Variants in PIK3AP1 observed in about 807,000 individuals in gnomAD.
PIK3AP1 encodes phosphoinositide-3-kinase adaptor protein 1, also known as phosphoinositide 3-kinase adapter protein 1.
PIK3AP1 carries 21 observed loss-of-function variants against 88.1 expected under a neutral mutation model. That is an observed-to-expected ratio of 0.24 (90% confidence interval 0.17 to 0.34). The LOEUF (loss-of-function observed/expected upper bound fraction) is 0.34. PIK3AP1 is among the 10% of genes least tolerant of loss of function. The probability of loss-of-function intolerance (pLI) is 1.00; values close to 1 mark genes in which losing one functional copy is unlikely to be tolerated. For missense variants in PIK3AP1, 828 were observed against 1,035.7 expected (o/e 0.80, Z 2.75); for synonymous variants, 398 against 400.0 (o/e 1.00, Z 0.06).
intron 8 of PIK3AP1, among the ~76,000 whole-genome samples, chr10:96,629,217 G>C (rs535245666): frequency 6.6e-6 from 1 of 151,964 alleles, no homozygotes; most frequent in Admixed American, 6.6e-5. Context: ...GTATGATATT[G>C]TTTATATAAG....
chr10:96,691,864 C>T (rs1377605708), intron 2 of PIK3AP1, among the ~76,000 whole-genome samples: 3 of 152,160 alleles, frequency 2.0e-5, no homozygotes, highest in Admixed American at 1.3e-4. Context: ...CAAAAAAATG[C>T]TCATTTATGA....
At chr10:96,670,173 A>G (rs1412338663) in intron 2 of PIK3AP1, among the ~76,000 whole-genome samples, 36 of 141,740 alleles carry the variant, frequency 2.5e-4, no homozygotes, top group Admixed American at 9.5e-4. Context: ...AAAAAAAAAA[A>G]AGAGAGAGAG....
At chr10:96,660,233 C>T (rs963610638) in intron 2 of PIK3AP1, among the ~76,000 whole-genome samples, 4 of 151,770 alleles carry the variant, frequency 2.6e-5, no homozygotes, top group Admixed American at 2.0e-4. Flanking sequence ...ATACTTGTAC[C>T]CAAAATATAC....
At chr10:96,611,895 C>A (rs1849116025) in intron 13 of PIK3AP1, among the ~76,000 whole-genome samples, 1 of 152,042 alleles carries the variant, frequency 6.6e-6, no homozygotes, top group Non-Finnish European at 1.5e-5. Flanking sequence ...GTCAAAAGTT[C>A]AAAAAATCAG....
At chr10:96,638,953 TGAA>T (rs75791683) in intron 8 of PIK3AP1, among the ~76,000 whole-genome samples, 1 of 151,066 alleles carries the variant, frequency 6.6e-6, no homozygotes, top group Admixed American at 6.6e-5. Context: ...AAAATATTTT[TGAA>T]TGAATGAATG....
At chr10:96,668,892 G>A (rs1363195301) in intron 2 of PIK3AP1, among the ~76,000 whole-genome samples, 1 of 152,122 alleles carries the variant, frequency 6.6e-6, no homozygotes, top group Non-Finnish European at 1.5e-5. Context: ...CACTTTGGGA[G>A]ACCAAGACAG....
chr10:96,704,401 G>C (rs1185855870), intron 2 of PIK3AP1, among the ~76,000 whole-genome samples: 1 of 152,182 alleles, frequency 6.6e-6, no homozygotes, highest in Admixed American at 6.5e-5. Context: ...AGCAGCATCA[G>C]CATCACCTGT....
chr10:96,699,974 G>A (rs983969703), intron 2 of PIK3AP1, among the ~76,000 whole-genome samples: 3 of 152,176 alleles, frequency 2.0e-5, no homozygotes, highest in African/African-American at 7.2e-5. Flanking sequence ...GAAGTGAGAT[G>A]CAAAAAATAC....
At chr10:96,677,954 A>G (rs1843948119) in intron 2 of PIK3AP1, among the ~76,000 whole-genome samples, 1 of 152,078 alleles carries the variant, frequency 6.6e-6, no homozygotes, top group Non-Finnish European at 1.5e-5. Context: ...TTATATTACA[A>G]TTTTATTTAT....
chr10:96,620,288 C>T lies in PIK3AP1; in HGVS notation c.1941+64G>A. 3 of 1,537,242 alleles carry T rather than the reference C, an allele frequency of 2.0e-6. No homozygotes were observed. In the South Asian group the frequency reaches 3.5e-5, roughly 18 times the overall value. Reference sequence around the variant, plus strand: ...AGCAATACACAAGACAGCCATGGCCCAGCCCTCCTCTACTGTCAAGTGGGG... The same window carrying T: ...AGCAATACACAAGACAGCCATGGCCTAGCCCTCCTCTACTGTCAAGTGGGG... On this transcript the variant is annotated intron_variant, in intron 12 of 16. Coordinates refer to ENST00000339364, the MANE Select transcript of PIK3AP1 (RefSeq NM_152309.3).
intron 14 of PIK3AP1, among the ~76,000 whole-genome samples, chr10:96,607,308 C>T (rs1460983213): frequency 6.6e-6 from 1 of 152,182 alleles, no homozygotes; most frequent in African/African-American, 2.4e-5. Flanking sequence ...TGCCAAGAGA[C>T]TTGGGGCAAG....
intron 2 of PIK3AP1, among the ~76,000 whole-genome samples, chr10:96,674,637 T>C (rs190949786): frequency 2.0e-5 from 3 of 152,298 alleles, no homozygotes; most frequent in Admixed American, 2.0e-4. Context: ...CATGAATGGA[T>C]GAATCGATGA....
intron 2 of PIK3AP1, among the ~76,000 whole-genome samples, chr10:96,665,450 T>C (rs1843747973): frequency 6.6e-6 from 1 of 152,204 alleles, no homozygotes. Flanking sequence ...TGGTCTTGCC[T>C]ATTTCTCTTT....
intron 16 of PIK3AP1, 60 bp from the exon 17 acceptor site, chr10:96,595,694 A>T: frequency 1.3e-6 from 2 of 1,551,414 alleles, no homozygotes; most frequent in Admixed American, 1.7e-5. Flanking sequence ...AGTTCTTAGG[A>T]ATGCACAATT....
chr10:96,714,654 C>T (rs1030402765), intron 1 of PIK3AP1, among the ~76,000 whole-genome samples: 1 of 152,132 alleles, frequency 6.6e-6, no homozygotes, highest in African/African-American at 2.4e-5. Flanking sequence ...CAATATGAGC[C>T]TGGAGCATCT....
chr10:96,706,795 A>G (rs886239278), intron 2 of PIK3AP1, among the ~76,000 whole-genome samples: 21 of 152,232 alleles, frequency 1.4e-4, no homozygotes, highest in Admixed American at 7.9e-4. Flanking sequence ...AAAAAAAATC[A>G]GGAATATGGC....
At chr10:96,604,822 T>C (rs1848973907) in intron 14 of PIK3AP1, among the ~76,000 whole-genome samples, 1 of 152,198 alleles carries the variant, frequency 6.6e-6, no homozygotes, top group Non-Finnish European at 1.5e-5. Flanking sequence ...GCCGGACCCT[T>C]TGACACAAAA....
At chr10:96,624,135 A>T in intron 10 of PIK3AP1, among the ~76,000 whole-genome samples, 1 of 152,218 alleles carries the variant, frequency 6.6e-6, no homozygotes. Flanking sequence ...ATCTTGGACA[A>T]GTGGCTTGAC....
intron 3 of PIK3AP1, among the ~76,000 whole-genome samples, chr10:96,653,416 A>AC (rs1339543953): frequency 1.4e-5 from 2 of 144,796 alleles, no homozygotes; most frequent in Non-Finnish European, 3.0e-5. Context: ...AAAAAAAAAA[A>AC]AAAACACACA....
Sources: allele counts gnomAD v4.1 joint callset (sites outside exome capture counted in the v4.1 genomes callset), GRCh38; gene constraint gnomAD v4.1.1; transcripts MANE v1.5; gene names NCBI Gene and HGNC (gene_info 2026-07-23, HGNC 2026-07-21).